ACVR1: variants seen among roughly 807,000 people sequenced by gnomAD.
ACVR1 encodes the protein activin receptor type-1.
Under a neutral mutation model 57.1 loss-of-function variants are expected in ACVR1, and 38 were observed. That is an observed-to-expected ratio of 0.67 (90% CI 0.51 to 0.87). ACVR1 has a LOEUF of 0.87. ACVR1 is among the 40% of genes least tolerant of loss of function. The pLI is 0.00. For missense variants in ACVR1, 463 were observed against 638.2 expected, an observed-to-expected ratio of 0.73 and a Z score of 2.96; for synonymous variants, 212 against 228.1, an observed-to-expected ratio of 0.93 and a Z score of 0.63.
At chr2:157,833,939 C>A (rs1436080130) in intron 1 of ACVR1, among the ~76,000 whole-genome samples, 1 of 152,182 alleles carries the variant, frequency 6.6e-6, no homozygotes, top group African/African-American at 2.4e-5. Context: ...AGGCTTAAGA[C>A]AACACATACT....
intron 3 of ACVR1, among the ~76,000 whole-genome samples, chr2:157,782,468 T>C (rs2105284065): frequency 6.6e-6 from 1 of 152,372 alleles, no homozygotes. Flanking sequence ...TTTATGTTCC[T>C]TGCCTGGAGA....
intron 1 of ACVR1, among the ~76,000 whole-genome samples, chr2:157,851,006 T>G (rs990351302): frequency 6.6e-6 from 1 of 152,078 alleles, no homozygotes; most frequent in Non-Finnish European, 1.5e-5. Flanking sequence ...ACTTAACAGA[T>G]CCATCTTAAC....
At chr2:157,739,834 C>A (rs1190629099) in intron 9 of ACVR1, among the ~76,000 whole-genome samples, 1 of 152,144 alleles carries the variant, frequency 6.6e-6, no homozygotes, top group African/African-American at 2.4e-5. Flanking sequence ...TAAAACTTCA[C>A]AAATTTGGCT....
chr2:157,840,778 G>A (rs950764506), intron 1 of ACVR1, among the ~76,000 whole-genome samples: 1 of 152,384 alleles, frequency 6.6e-6, no homozygotes, highest in East Asian at 1.9e-4. Context: ...GTCAGCCAAA[G>A]CACAAGCACC....
At chr2:157,797,345 G>A (rs1213170630) in intron 3 of ACVR1, among the ~76,000 whole-genome samples, 2 of 152,032 alleles carry the variant, frequency 1.3e-5, no homozygotes, top group Non-Finnish European at 2.9e-5. Flanking sequence ...TGCCTCCTTG[G>A]AAACTCATCA....
intron 1 of ACVR1, among the ~76,000 whole-genome samples, chr2:157,864,066 G>A (rs887953316): frequency 4.0e-5 from 6 of 151,574 alleles, no homozygotes; most frequent in Admixed American, 3.9e-4. Flanking sequence ...TTCACACCAT[G>A]TTAGTCAGGA....
chr2:157,769,790 T>C (rs1686009492), intron 7 of ACVR1, among the ~76,000 whole-genome samples: 1 of 152,214 alleles, frequency 6.6e-6, no homozygotes, highest in Non-Finnish European at 1.5e-5. Context: ...TCAATGGGCC[T>C]AAGGAGTGTG....
rs144818505 is a variant in ACVR1 at position 157,795,565 on chromosome 2, A to G, written c.67+3862T>C. On this transcript the variant is annotated intron_variant, in intron 3 of 10. Transcript: ENST00000434821. ...ACAGCAATTGCAATTAAAGTATGAT[A>G]TGCTCTTTTCCATACTTGTAAACAT... Among the ~76,000 whole-genome samples, 4 of 152,240 alleles carry G rather than the reference A, an allele frequency of 2.6e-5. No homozygotes were observed. The East Asian group carries it at 7.7e-4, about 29-fold the overall frequency.
chr2:157,748,081 C>A (rs913590266), intron 9 of ACVR1, among the ~76,000 whole-genome samples: 2 of 152,136 alleles, frequency 1.3e-5, no homozygotes, highest in African/African-American at 2.4e-5. Context: ...ACAGGAACTA[C>A]CAAGCAAGCC....
chr2:157,749,101 G>C lies in ACVR1; in HGVS notation c.1265-10531C>G, dbSNP rs140821642. Among the ~76,000 whole-genome samples the C allele has an allele frequency of 2.0e-5, 3 of 152,322 alleles. No individual in the cohort carries two copies. In the East Asian group the frequency reaches 5.8e-4, roughly 29 times the overall value. The stretch of plus-strand genomic sequence containing the variant: ...CATGCTCTGTGAAATAAGATTTTCA[G>C]TTGTGAAGATATGAAGAGGTTCATC... On this transcript the variant is annotated intron_variant, in intron 9 of 10. Coordinates refer to ENST00000434821, the MANE Select transcript of ACVR1 (RefSeq NM_001111067.4).
At chr2:157,767,758 A>C (rs1685920647) in intron 7 of ACVR1, among the ~76,000 whole-genome samples, 1 of 152,192 alleles carries the variant, frequency 6.6e-6, no homozygotes, top group Non-Finnish European at 1.5e-5. Flanking sequence ...GGAGATGCCA[A>C]GGATCACACA....
chr2:157,751,387 CCA>C (rs1685186415), intron 9 of ACVR1, among the ~76,000 whole-genome samples: 1 of 152,218 alleles, frequency 6.6e-6, no homozygotes, highest in Non-Finnish European at 1.5e-5. Flanking sequence ...TGGGAAAAGA[CCA>C]CGGGGAGATG....
At chr2:157,868,144 C>T (rs1690002408) in intron 1 of ACVR1, among the ~76,000 whole-genome samples, 1 of 152,102 alleles carries the variant, frequency 6.6e-6, no homozygotes, top group African/African-American at 2.4e-5. Flanking sequence ...GCATGCCACC[C>T]TGAGAAGCTG....
intron 1 of ACVR1, among the ~76,000 whole-genome samples, chr2:157,824,144 G>C (rs1269299186): frequency 6.6e-6 from 1 of 152,198 alleles, no homozygotes; most frequent in African/African-American, 2.4e-5. Context: ...ATGCAAAATT[G>C]CTGAGATTTG....
chr2:157,778,399 T>C (rs949866627), intron 4 of ACVR1, 57 bp from the exon 5 acceptor site: 1 of 1,399,394 alleles, frequency 7.1e-7, no homozygotes, highest in African/African-American at 1.4e-5. Context: ...TACTTATTAT[T>C]AGCATAACCA....
At chr2:157,802,106 G>C (rs1687346937) in intron 2 of ACVR1, among the ~76,000 whole-genome samples, 2 of 152,312 alleles carry the variant, frequency 1.3e-5, no homozygotes, top group Middle Eastern at 3.4e-3. Flanking sequence ...AGACTTTCTG[G>C]AGGGTGCAGA....
chr2:157,771,800 A>G (rs1686079764), intron 6 of ACVR1, among the ~76,000 whole-genome samples: 1 of 152,232 alleles, frequency 6.6e-6, no homozygotes. Context: ...AATGTGGCTA[A>G]CAAGTGCTCA....
chr2:157,795,136 A>T (rs530151899), intron 3 of ACVR1, among the ~76,000 whole-genome samples: 1 of 152,116 alleles, frequency 6.6e-6, no homozygotes, highest in Non-Finnish European at 1.5e-5. Flanking sequence ...CAAACATCAA[A>T]TATGGGTCTA....
At chr2:157,805,315 TC>T (rs1425656179) in intron 2 of ACVR1, among the ~76,000 whole-genome samples, 1 of 152,194 alleles carries the variant, frequency 6.6e-6, no homozygotes, top group Non-Finnish European at 1.5e-5. Flanking sequence ...ATAAGGACAT[TC>T]CTGATACTCT....
Sources: gnomAD v4.1 joint callset for allele counts (sites outside exome capture counted in the v4.1 genomes callset) on GRCh38, gnomAD v4.1.1 for gene constraint, MANE v1.5 for transcripts, NCBI Gene and HGNC (gene_info 2026-07-23, HGNC 2026-07-21) for gene names.